GRM8: variants seen among roughly 807,000 people sequenced by gnomAD.
GRM8 encodes glutamate metabotropic receptor 8, also known as metabotropic glutamate receptor 8.
Under a neutral mutation model 87.2 loss-of-function variants are expected in GRM8, and 47 were observed. The ratio of observed to expected loss-of-function variants is 0.54; its 90% CI spans 0.43 to 0.69. The LOEUF is 0.69. Among genes scored for constraint, GRM8 ranks in the 30% least tolerant of loss-of-function variants. The pLI is 0.00. For synonymous variants in GRM8, 396 were observed against 404.5 expected (o/e 0.98, Z 0.25); for missense variants, 1,019 against 1,139.2 (o/e 0.89, Z 1.52).
chr7:126,748,987 C>T (rs948450128), intron 7 of GRM8, among the ~76,000 whole-genome samples: 1 of 152,244 alleles, frequency 6.6e-6, no homozygotes, highest in East Asian at 1.9e-4. Context: ...TTACCCTTCA[C>T]TGGCTAGGTA....
At chr7:126,697,418 G>C (rs1414316547) in intron 7 of GRM8, among the ~76,000 whole-genome samples, 1 of 152,090 alleles carries the variant, frequency 6.6e-6, no homozygotes, top group Non-Finnish European at 1.5e-5. Context: ...AAATAAAAAA[G>C]AAGGTAATTA....
chr7:126,445,849 C>T (rs1419948881), intron 10 of GRM8, among the ~76,000 whole-genome samples: 1 of 151,948 alleles, frequency 6.6e-6, no homozygotes, highest in Admixed American at 6.6e-5. Context: ...ATGACGCTTT[C>T]AAATACCAAG....
intron 7 of GRM8, among the ~76,000 whole-genome samples, chr7:126,687,705 C>T (rs1346838319): frequency 6.6e-6 from 1 of 150,980 alleles, no homozygotes; most frequent in Non-Finnish European, 1.5e-5. Flanking sequence ...CACTACATGC[C>T]TCACAACAGT....
At chr7:127,042,880 T>C (rs958396824) in intron 3 of GRM8, among the ~76,000 whole-genome samples, 4 of 152,180 alleles carry the variant, frequency 2.6e-5, no homozygotes, top group Non-Finnish European at 5.9e-5. Flanking sequence ...AAAGGGCTAA[T>C]ATCCAGAATC....
chr7:127,211,858 G>A (rs1347215794), intron 2 of GRM8, among the ~76,000 whole-genome samples: 5 of 152,116 alleles, frequency 3.3e-5, no homozygotes, highest in Non-Finnish European at 5.9e-5. Flanking sequence ...CAAATTACTC[G>A]GTCTAAGGTG....
chr7:126,518,903 C>T (rs556792140), intron 9 of GRM8, among the ~76,000 whole-genome samples: 1 of 151,996 alleles, frequency 6.6e-6, no homozygotes. Flanking sequence ...GAGAAGATAA[C>T]TTCCTTAATC....
At chr7:127,166,470 C>A (rs1793460265) in intron 2 of GRM8, among the ~76,000 whole-genome samples, 1 of 152,078 alleles carries the variant, frequency 6.6e-6, no homozygotes, top group Admixed American at 6.6e-5. Context: ...TAAATGAAGG[C>A]CATACAAAAT....
chr7:126,949,034 G>C (rs111652182), intron 3 of GRM8, among the ~76,000 whole-genome samples: 4 of 152,168 alleles, frequency 2.6e-5, no homozygotes, highest in African/African-American at 9.6e-5. Context: ...CAAGTCTGAA[G>C]GTCCTCACCT....
chr7:126,943,627 A>G (rs963440315), intron 3 of GRM8, among the ~76,000 whole-genome samples: 1 of 152,214 alleles, frequency 6.6e-6, no homozygotes, highest in Non-Finnish European at 1.5e-5. Context: ...AACAGGAAGG[A>G]ATAGCTCTTG....
At chr7:127,129,279 C>T (rs185869256) in intron 2 of GRM8, among the ~76,000 whole-genome samples, 346 of 152,216 alleles carry the variant, frequency 2.3e-3, no homozygotes, top group Middle Eastern at 0.01. Context: ...ATTTACCATT[C>T]CTTGCTGAAG....
chr7:126,582,886 T>C (rs1239561682), intron 8 of GRM8, among the ~76,000 whole-genome samples: 2 of 152,208 alleles, frequency 1.3e-5, no homozygotes, highest in African/African-American at 4.8e-5. Flanking sequence ...GAACTTCTCA[T>C]AAAAAAAGAT....
intron 3 of GRM8, among the ~76,000 whole-genome samples, chr7:127,033,362 T>A (rs1217531277): frequency 6.6e-6 from 1 of 152,056 alleles, no homozygotes; most frequent in Non-Finnish European, 1.5e-5. Context: ...TTACTCCAAA[T>A]AATCTCTATG....
At chr7:126,837,164 C>T (rs1563235170) in intron 6 of GRM8, among the ~76,000 whole-genome samples, 1 of 152,108 alleles carries the variant, frequency 6.6e-6, no homozygotes, top group Admixed American at 6.6e-5. Flanking sequence ...AAAGGCCTCA[C>T]ATTTAGTACT....
intron 9 of GRM8, among the ~76,000 whole-genome samples, chr7:126,476,862 C>A (rs1433230242): frequency 6.6e-6 from 1 of 151,284 alleles, no homozygotes; most frequent in Non-Finnish European, 1.5e-5. Flanking sequence ...AAAAAAAAAA[C>A]TGCCATACAA....
chr7:126,593,792 TCAA>T (rs924075039), intron 8 of GRM8, among the ~76,000 whole-genome samples: 1 of 151,870 alleles, frequency 6.6e-6, no homozygotes, highest in African/African-American at 2.4e-5. Flanking sequence ...AAGGAAACAA[TCAA>T]CAAGAGTGAA....
At chr7:126,819,269 C>A (rs1794073861) in intron 6 of GRM8, among the ~76,000 whole-genome samples, 2 of 129,838 alleles carry the variant, frequency 1.5e-5, no homozygotes, top group Non-Finnish European at 3.1e-5. Flanking sequence ...TTCAGACAGA[C>A]ACACATACAC....
In GRM8 at chr7:126,439,126, G is replaced by A. The variant is rs1385658725; in HGVS notation, c.2720C>T (p.Ser907Leu). ...TTGTGCCATTTCCCTGTTTCAGATT[G>A]AATGATTGCTGTAACTGATATATGT... ...KTTYISYSNH[S>L]I The change falls in exon 11 of 11, where the codon TCA becomes TTA. Residue 907 changes from serine (S) to leucine (L), a missense_variant. Physicochemically the swap from Ser to Leu is moderately radical, Grantham distance 145. Transcript: ENST00000339582. 5 of 1,570,974 alleles carry A rather than the reference G, an allele frequency of 3.2e-6. No homozygotes were observed. Among genetic ancestry groups the A allele is most frequent in the East Asian group, 2.2e-5 (1 of 44,538 alleles).
chr7:126,970,823 A>G (rs943466028), intron 3 of GRM8, among the ~76,000 whole-genome samples: 3 of 152,222 alleles, frequency 2.0e-5, no homozygotes, highest in South Asian at 4.1e-4. Flanking sequence ...ACTTGATAAC[A>G]TAGGGACCAC....
chr7:126,592,531 G>A (rs543432119), intron 8 of GRM8, among the ~76,000 whole-genome samples: 4 of 151,886 alleles, frequency 2.6e-5, no homozygotes, highest in Admixed American at 6.6e-5. Context: ...AACAAAAAAC[G>A]TATGATCATT....
Sources: allele counts gnomAD v4.1 joint callset (sites outside exome capture counted in the v4.1 genomes callset), GRCh38; gene constraint gnomAD v4.1.1; transcripts MANE v1.5; gene names NCBI Gene and HGNC (gene_info 2026-07-23, HGNC 2026-07-21).